MAST2: variants seen among roughly 807,000 people sequenced by gnomAD.
MAST2 encodes microtubule associated serine/threonine kinase 2, also known as microtubule-associated serine/threonine-protein kinase 2.
MAST2 carries 70 observed loss-of-function variants against 147.4 expected under a neutral mutation model. The ratio of observed to expected loss-of-function variants is 0.47; its 90% CI spans 0.39 to 0.58. The LOEUF (loss-of-function observed/expected upper bound fraction) is 0.58. Among genes scored for constraint, MAST2 ranks in the 20% least tolerant of loss-of-function variants. MAST2 has a pLI of 0.00. For synonymous variants in MAST2, 869 were observed against 896.8 expected (o/e 0.97, Z 0.55); for missense variants, 2,080 against 2,302.3 (o/e 0.90, Z 1.98).
chr1:45,881,466 A>G (rs1646840614), intron 3 of MAST2, among the ~76,000 whole-genome samples: 1 of 152,234 alleles, frequency 6.6e-6, no homozygotes, highest in Non-Finnish European at 1.5e-5. Flanking sequence ...CACGTATTGA[A>G]AATATTTAAA....
chr1:45,903,266 A>T lies in MAST2; in HGVS notation c.500+20871A>T, dbSNP rs1001694353. On this transcript the variant is annotated intron_variant, in intron 4 of 28. Transcript: ENST00000361297. ...TGCCTCAGCCTCTTGAGTAGCTGGG[A>T]TTACAGACACTTACCACCATGCCTG... is the stretch of plus-strand genomic sequence containing the variant. Among the ~76,000 whole-genome samples the T allele has an allele frequency of 2.0e-5, 3 of 150,248 alleles. No homozygotes were observed. In the Admixed American group the frequency reaches 2.0e-4, roughly 10 times the overall value.
In MAST2 at chr1:46,023,881, C is replaced by T. The variant is rs201146847; in HGVS notation, c.1681C>T (p.Arg561Cys). ...CCAGATCCAGCAGGCCTTCGTGGAG[C>T]GTGACATACTGACTTTCGCTGAGAA... is the stretch of plus-strand genomic sequence containing the variant. ...RNQIQQAFVE[R>C]DILTFAENPF... Residue 561 changes from arginine (R) to cysteine (C), a missense_variant, in exon 15 of 29, where the codon CGT (arginine) becomes TGT (cysteine). Arg to Cys is a radical substitution (Grantham distance 180). Around this residue, in one of 4 missense-constraint regions of MAST2, gnomAD observed 209 missense variants for 309.5 expected, o/e 0.68. Coordinates refer to ENST00000361297, the MANE Select transcript of MAST2 (RefSeq NM_015112.3). The surrounding 1 kb of genome is among the most constrained non-coding windows in gnomAD (Gnocchi z 4.9). 2 of 1,614,124 alleles carry T rather than the reference C, an allele frequency of 1.2e-6. No homozygotes were observed. The highest frequency in any genetic ancestry group is 4.5e-5 in the East Asian group (2 of 44,860).
In MAST2 at chr1:46,035,507, C is replaced by G. The variant is rs12756065; in HGVS notation, c.4838C>G (p.Pro1613Arg). Residue 1613 changes from proline (P) to arginine (R), a missense_variant, in exon 29 of 29, where the codon CCT becomes CGT. This residue lies in a region of MAST2 where 1,278 missense variants were observed against 1,304.2 expected (regional missense o/e 0.98). Transcript: ENST00000361297. This position sits in a 1 kb window ranked among gnomAD's most constrained non-coding sequence, Gnocchi z 5.5. The part of the protein sequence containing the change: ...GQSGATDPIP[P>R]EGCWKAQHLH... ...TCTGGAGCCACAGACCCCATCCCTC[C>G]TGAAGGTTGCTGGAAGGCCCAGCAC... 1.2e-6 allele frequency: 2 copies of G among 1,613,358 alleles called. No individual in the cohort carries two copies. Among genetic ancestry groups the G allele is most frequent in the South Asian group, 2.2e-5 (2 of 91,076 alleles).
chr1:45,994,299 T>TTG, intron 5 of MAST2, among the ~76,000 whole-genome samples: 1 of 128,926 alleles, frequency 7.8e-6, no homozygotes, highest in Non-Finnish European at 1.6e-5. Context: ...TTTTTTTTTT[T>TTG]GAGAAGGAGT....
At chr1:45,995,144 T>C (rs778227996) in intron 5 of MAST2, among the ~76,000 whole-genome samples, 39 of 152,164 alleles carry the variant, frequency 2.6e-4, no homozygotes, top group Middle Eastern at 3.4e-3. Flanking sequence ...CTGGCCCATA[T>C]CTTCCATAAT....
chr1:45,979,060 T>C (rs1200450268), intron 5 of MAST2, among the ~76,000 whole-genome samples: 3 of 152,198 alleles, frequency 2.0e-5, no homozygotes, highest in Admixed American at 6.5e-5. Context: ...CTAGAGTGTT[T>C]AGAGTTGCAT....
chr1:45,917,153 A>G (rs1473988049), intron 4 of MAST2, among the ~76,000 whole-genome samples: 1 of 152,236 alleles, frequency 6.6e-6, no homozygotes, highest in African/African-American at 2.4e-5. Context: ...AATTTTATGG[A>G]TTAAGTTTTT....
intron 3 of MAST2, among the ~76,000 whole-genome samples, chr1:45,838,395 G>A (rs949842274): frequency 2.0e-5 from 3 of 151,038 alleles, no homozygotes; most frequent in African/African-American, 7.3e-5. Context: ...AATTTTCTCT[G>A]TATTTTTAAT....
At chr1:45,946,246 G>T (rs1658007824) in intron 4 of MAST2, among the ~76,000 whole-genome samples, 1 of 152,050 alleles carries the variant, frequency 6.6e-6, no homozygotes, top group African/African-American at 2.4e-5. Flanking sequence ...AATGTCAACT[G>T]CAAATAATCA....
chr1:45,811,377 C>T (rs113350455), intron 1 of MAST2, among the ~76,000 whole-genome samples: 13 of 137,654 alleles, frequency 9.4e-5, no homozygotes, highest in South Asian at 2.3e-4. Flanking sequence ...CACGCTCTGT[C>T]GCCCAGACTC....
At chr1:45,929,503 G>A (rs1654939900) in intron 4 of MAST2, among the ~76,000 whole-genome samples, 1 of 152,166 alleles carries the variant, frequency 6.6e-6, no homozygotes, top group African/African-American at 2.4e-5. Context: ...GGAATTATCT[G>A]TAGTAGTCAT....
chr1:45,941,835 A>T (rs1047483064), intron 4 of MAST2, among the ~76,000 whole-genome samples: 1 of 152,212 alleles, frequency 6.6e-6, no homozygotes, highest in South Asian at 2.1e-4. Context: ...ATCTATTGAG[A>T]TGGTTGTGTA....
chr1:45,821,327 A>G (rs765460917), intron 1 of MAST2, among the ~76,000 whole-genome samples: 3 of 152,062 alleles, frequency 2.0e-5, no homozygotes, highest in Non-Finnish European at 4.4e-5. Flanking sequence ...GATCTCCTGT[A>G]TTTGACAAGT....
At chr1:45,806,802 C>T (rs554814519) in intron 1 of MAST2, among the ~76,000 whole-genome samples, 1 of 152,298 alleles carries the variant, frequency 6.6e-6, no homozygotes, top group African/African-American at 2.4e-5. Context: ...GTCACGAGCT[C>T]CTAACCTCAG....
intron 3 of MAST2, among the ~76,000 whole-genome samples, chr1:45,835,314 T>C (rs1407740642): frequency 6.6e-6 from 1 of 152,124 alleles, no homozygotes; most frequent in Non-Finnish European, 1.5e-5. Flanking sequence ...GTGCACACAG[T>C]TCTGACAGGG....
chr1:45,813,948 G>C (rs1644377743), intron 1 of MAST2, among the ~76,000 whole-genome samples: 1 of 152,084 alleles, frequency 6.6e-6, no homozygotes, highest in African/African-American at 2.4e-5. Flanking sequence ...TATTATGCCT[G>C]GCTTCCCATA....
At chr1:45,830,562 T>C (rs529811329) in intron 3 of MAST2, among the ~76,000 whole-genome samples, 1 of 152,274 alleles carries the variant, frequency 6.6e-6, no homozygotes, top group Admixed American at 6.5e-5. Flanking sequence ...TTCTGTAAGG[T>C]TGTAACTTCA....
intron 1 of MAST2, among the ~76,000 whole-genome samples, chr1:45,821,515 C>CTTTTTTTTTTTTTTTTT (rs59159342): frequency 1.4e-5 from 1 of 70,922 alleles, no homozygotes. Context: ...GTTATTTCTT[C>CTTTTTTTTTTTTTTTTT]TTTTTTTTTT....
At chr1:45,832,029 C>T (rs1212583916) in intron 3 of MAST2, among the ~76,000 whole-genome samples, 5 of 152,062 alleles carry the variant, frequency 3.3e-5, no homozygotes, top group Non-Finnish European at 7.4e-5. Flanking sequence ...ATCCACCTGC[C>T]TCGGCCTCTC....
Sources: gnomAD v4.1 joint callset for allele counts (sites outside exome capture counted in the v4.1 genomes callset) on GRCh38, gnomAD v4.1.1 for gene constraint, gnomAD v4.1.1 regional missense constraint, Gnocchi (gnomAD v3.1) non-coding constraint, MANE v1.5 for transcripts, NCBI Gene and HGNC (gene_info 2026-07-23, HGNC 2026-07-21) for gene names.